The following KHDRBS2 variants were observed in gnomAD, a reference collection of about 807,000 sequenced individuals.
KHDRBS2 encodes the protein KH RNA binding domain containing, signal transduction associated 2.
A neutral mutation model predicts 44.3 loss-of-function variants in KHDRBS2; 26 were observed. The observed-to-expected ratio is 0.59, with a 90% confidence interval of 0.43 to 0.81. The LOEUF is 0.81. KHDRBS2 is among the 40% of genes least tolerant of loss of function. The pLI is 0.00. For synonymous variants in KHDRBS2, 194 were observed against 151.1 expected (o/e 1.28, Z -2.08); for missense variants, 476 against 433.1 (o/e 1.10, Z -0.88).
In KHDRBS2 at chr6:61,773,151, T is replaced by C. The variant is rs200283153; in HGVS notation, c.811-40387A>G. 1.3e-4 allele frequency among the ~76,000 whole-genome samples: 19 copies of C among 151,712 alleles called. No individual in the cohort carries two copies. The South Asian group carries it at 4.0e-3, about 32-fold the overall frequency. Reference sequence around the variant, plus strand: ...CATGATTTATAGTCCTTTGGGTATATACCCAGTAATGGGATGGCTGGGTCA... The same window carrying C: ...CATGATTTATAGTCCTTTGGGTATACACCCAGTAATGGGATGGCTGGGTCA... On this transcript the variant is annotated intron_variant, in intron 6 of 8. Transcript: ENST00000281156.
chr6:62,099,384 T>A (rs977894833), intron 2 of KHDRBS2, among the ~76,000 whole-genome samples: 1 of 152,046 alleles, frequency 6.6e-6, no homozygotes, highest in African/African-American at 2.4e-5. Context: ...TTGCCAAGAG[T>A]CTGCAGTTAG....
At chr6:61,933,400 T>G (rs1810453806) in intron 4 of KHDRBS2, among the ~76,000 whole-genome samples, 1 of 152,192 alleles carries the variant, frequency 6.6e-6, no homozygotes, top group South Asian at 2.1e-4. Context: ...TCTTGGCAAT[T>G]GTGACTAGTG....
At chr6:62,257,447 T>A (rs1837583354) in intron 1 of KHDRBS2, among the ~76,000 whole-genome samples, 1 of 152,062 alleles carries the variant, frequency 6.6e-6, no homozygotes, top group African/African-American at 2.4e-5. Context: ...ACAGAGCAGA[T>A]TATTCTTTAT....
chr6:61,570,336 C>T, the KHDRBS2 span, among the ~76,000 whole-genome samples: 1 of 151,946 alleles, frequency 6.6e-6, no homozygotes, highest in African/African-American at 2.4e-5. Context: ...AGCTCAAAGA[C>T]AAGGTTTTTA....
chr6:62,240,672 G>GTGTGTATA (rs1252806819), intron 1 of KHDRBS2, among the ~76,000 whole-genome samples: 14 of 64,160 alleles, frequency 2.2e-4, no homozygotes, highest in Non-Finnish European at 4.0e-4. Context: ...ATGTGTGTGT[G>GTGTGTATA]TATATATATA....
chr6:61,607,119 A>C, the KHDRBS2 span, among the ~76,000 whole-genome samples: 2 of 151,996 alleles, frequency 1.3e-5, no homozygotes. Context: ...AGTTAGTTAC[A>C]ACAGACTATT....
At chr6:61,573,177 G>A in the KHDRBS2 span, among the ~76,000 whole-genome samples, 7 of 152,188 alleles carry the variant, frequency 4.6e-5, no homozygotes, top group Admixed American at 2.6e-4. Flanking sequence ...CACCAACAAT[G>A]ATGAAGCTGA....
chr6:61,630,303 T>C, the KHDRBS2 span: 1 of 152,206 alleles, frequency 6.6e-6, no homozygotes, highest in Non-Finnish European at 1.5e-5. Context: ...AAGACTATCT[T>C]TGAATCAAAG....
chr6:61,885,241 T>C (rs765460788), intron 6 of KHDRBS2, among the ~76,000 whole-genome samples: 6 of 151,198 alleles, frequency 4.0e-5, no homozygotes, highest in Non-Finnish European at 8.8e-5. Flanking sequence ...AGCTGGTTGA[T>C]AGAAAAAAAA....
intron 2 of KHDRBS2, among the ~76,000 whole-genome samples, chr6:62,065,997 A>G (rs2127337101): frequency 6.6e-6 from 1 of 151,738 alleles, no homozygotes; most frequent in Non-Finnish European, 1.5e-5. Context: ...GCCTTTGGTC[A>G]TGTTTTAAAT....
intron 4 of KHDRBS2, among the ~76,000 whole-genome samples, chr6:61,910,869 A>G (rs1394770357): frequency 6.6e-6 from 1 of 152,220 alleles, no homozygotes; most frequent in Non-Finnish European, 1.5e-5. Context: ...CAAAACAACT[A>G]CTTTTTTCAA....
intron 4 of KHDRBS2, among the ~76,000 whole-genome samples, chr6:61,937,740 C>T (rs1277833628): frequency 6.6e-6 from 1 of 152,020 alleles, no homozygotes; most frequent in Non-Finnish European, 1.5e-5. Context: ...GGATTAGTAA[C>T]TCTTAGATAC....
intron 6 of KHDRBS2, among the ~76,000 whole-genome samples, chr6:61,889,374 C>T (rs1412725418): frequency 6.6e-6 from 1 of 152,170 alleles, no homozygotes; most frequent in African/African-American, 2.4e-5. Context: ...ACTCAGGAAT[C>T]TCAAACTGAA....
At chr6:62,102,439 C>A (rs1431893005) in intron 2 of KHDRBS2, among the ~76,000 whole-genome samples, 3 of 152,150 alleles carry the variant, frequency 2.0e-5, no homozygotes, top group Non-Finnish European at 2.9e-5. Context: ...GATTGCAGAG[C>A]CCCAAAGAGG....
intron 3 of KHDRBS2, among the ~76,000 whole-genome samples, chr6:61,991,179 A>T (rs186284789): frequency 1.3e-5 from 2 of 152,306 alleles, no homozygotes; most frequent in Admixed American, 6.5e-5. Context: ...CCATTAAAAA[A>T]TTTTCACTAA....
At chr6:62,051,274 A>C (rs568006779) in intron 2 of KHDRBS2, among the ~76,000 whole-genome samples, 21 of 152,226 alleles carry the variant, frequency 1.4e-4, no homozygotes, top group African/African-American at 5.1e-4. Flanking sequence ...TGAGAATGTG[A>C]AAAACAAAAT....
At chr6:61,757,348 C>T (rs772115870) in intron 6 of KHDRBS2, among the ~76,000 whole-genome samples, 3 of 152,034 alleles carry the variant, frequency 2.0e-5, no homozygotes, top group African/African-American at 2.4e-5. Flanking sequence ...TTACCTTCTC[C>T]CCAGTAATGT....
chr6:61,563,371 C>T, the KHDRBS2 span, among the ~76,000 whole-genome samples: 1 of 152,012 alleles, frequency 6.6e-6, no homozygotes, highest in East Asian at 1.9e-4. Context: ...TATCTATACT[C>T]CTGAGTTAGA....
At chr6:61,852,856 T>C (rs577614682) in intron 6 of KHDRBS2, among the ~76,000 whole-genome samples, 4 of 152,306 alleles carry the variant, frequency 2.6e-5, no homozygotes, top group African/African-American at 7.2e-5. Context: ...CTTTTCTTTA[T>C]TGAAATATTA....
Sources: allele counts gnomAD v4.1 joint callset (sites outside exome capture counted in the v4.1 genomes callset), GRCh38; gene constraint gnomAD v4.1.1; transcripts MANE v1.5; gene names NCBI Gene and HGNC (gene_info 2026-07-23, HGNC 2026-07-21).